FLNB: variants seen among roughly 807,000 people sequenced by gnomAD.
FLNB encodes the protein filamin-B.
Under a neutral mutation model 250.6 loss-of-function variants are expected in FLNB, and 111 were observed. The observed-to-expected ratio is 0.44, with a 90% CI of 0.38 to 0.52. The LOEUF (loss-of-function observed/expected upper bound fraction) is 0.52. FLNB is among the 20% of genes least tolerant of loss of function. The pLI, the probability that FLNB is intolerant of heterozygous loss-of-function variation, is 0.00. For synonymous variants in FLNB, 1,302 were observed against 1,372.1 expected (o/e 0.95, Z 1.13); for missense variants, 2,869 against 3,447.8 (o/e 0.83, Z 4.20).
Position 58,168,533 on chromosome 3 carries a change from G to C in FLNB, c.7292G>C (p.Cys2431Ser). The change falls in exon 44 of 46, where the codon TGC becomes TCC. Residue 2431 changes from cysteine to serine, a missense_variant. Cys to Ser is a moderately radical substitution (Grantham distance 112). Transcript: ENST00000295956. ...IEGPSKVKMD[C>S]QETPEGYKVM... ...GGCCCATCCAAGGTTAAAATGGATT[G>C]CCAGGAAACACCTGAAGGGTACAAA... The C allele has an allele frequency of 1.2e-6, 2 of 1,614,198 alleles. No individual in the cohort carries two copies. The highest frequency in any genetic ancestry group is 1.7e-6 in the Non-Finnish European group (2 of 1,180,008).
In FLNB at chr3:58,159,676, G is replaced by C. The variant is rs2097358500; in HGVS notation, c.7011G>C (p.Glu2337Asp). The change falls in exon 42 of 46, where the codon GAG (glutamate) becomes GAC (aspartate). Residue 2337 changes from glutamate (E) to aspartate (D), a missense_variant. Transcript: ENST00000295956. ...SGAVEECHVS[E>D]LEPDKYAVRF... ...CCGTGGAGGAGTGCCACGTGTCTGA[G>C]CTGGAGCCAGGTGAGCAGGAGGCCT... 1 of 1,613,384 alleles carries C rather than the reference G, an allele frequency of 6.2e-7. No individual in the cohort carries two copies. Among genetic ancestry groups the C allele is most frequent in the South Asian group, 1.1e-5 (1 of 91,066 alleles).
At chr3:58,125,390 C>T (rs576470524) in intron 22 of FLNB, among the ~76,000 whole-genome samples, 191 bp from the exon 23 acceptor site, 18 of 152,334 alleles carry the variant, frequency 1.2e-4, no homozygotes, top group African/African-American at 2.6e-4. Flanking sequence ...ACCTCGGCCT[C>T]CCAAAGTGCT....
intron 1 of FLNB, among the ~76,000 whole-genome samples, chr3:58,010,338 CT>C (rs1378425143): frequency 6.6e-6 from 1 of 152,190 alleles, no homozygotes; most frequent in Non-Finnish European, 1.5e-5. Flanking sequence ...TGAGCCTCCC[CT>C]GGGCCTTAGG....
intron 2 of FLNB, chr3:58,078,496 A>C (rs1447330963): frequency 1.3e-6 from 2 of 1,536,318 alleles, no homozygotes; most frequent in Non-Finnish European, 1.7e-6. Context: ...ATGCAAGAAC[A>C]TAGCACCCGG....
At chr3:58,060,355 T>C (rs868307413) in intron 1 of FLNB, among the ~76,000 whole-genome samples, 38,913 of 138,622 alleles carry the variant, frequency 0.28, 5,576 homozygotes, top group South Asian at 0.46. Flanking sequence ...TGTCTCTCTT[T>C]TTTTTTTTTT....
intron 1 of FLNB, among the ~76,000 whole-genome samples, chr3:58,044,044 T>G (rs1477076536): frequency 2.0e-5 from 3 of 152,210 alleles, no homozygotes; most frequent in Admixed American, 6.5e-5. Context: ...GCCCTGCAGC[T>G]CCTGCTGTTT....
At position 58,033,221 on chromosome 3, in the gene FLNB, C is replaced by T. The variant is rs143786994; in HGVS notation, c.292+24365C>T. 3.3e-3 allele frequency among the ~76,000 whole-genome samples: 497 copies of T among 152,308 alleles called. 1 individual carries two copies. Among genetic ancestry groups the T allele is most frequent in the African/African-American group, 0.011 (468 of 41,556 alleles). ...GAAACCATCACCATAATCAAGACAG[C>T]GAACCTCCCTATCCAGCCCCAGAAG... On this transcript the variant is annotated intron_variant, in intron 1 of 45. Coordinates refer to ENST00000295956, the MANE Select transcript of FLNB (RefSeq NM_001457.4).
intron 1 of FLNB, among the ~76,000 whole-genome samples, chr3:58,034,934 T>A (rs2097135977): frequency 6.6e-6 from 1 of 152,200 alleles, no homozygotes; most frequent in South Asian, 2.1e-4. Context: ...GACCAGCCTA[T>A]GTCACCTGCT....
At chr3:58,149,713 A>C in intron 36 of FLNB, 137 bp from the exon 37 acceptor site, 1 of 1,127,310 alleles carries the variant, frequency 8.9e-7, no homozygotes, top group Non-Finnish European at 1.3e-6. Context: ...GGGCTTTGCA[A>C]ACGAGGCCGC....
At chr3:58,089,184 A>G (rs536978384) in intron 4 of FLNB, among the ~76,000 whole-genome samples, 5 of 152,318 alleles carry the variant, frequency 3.3e-5, no homozygotes, top group East Asian at 3.9e-4. Flanking sequence ...GTTGATGCCA[A>G]CACTGAGGTG....
At chr3:58,045,079 G>C (rs560872873) in intron 1 of FLNB, among the ~76,000 whole-genome samples, 6 of 152,156 alleles carry the variant, frequency 3.9e-5, no homozygotes, top group Non-Finnish European at 8.8e-5. Flanking sequence ...CTGGGTGAAG[G>C]GATGTGCCCC....
chr3:58,081,889 CAA>C, intron 4 of FLNB, 113 bp downstream of exon 4: 6 of 1,139,236 alleles, frequency 5.3e-6, no homozygotes, highest in Non-Finnish European at 8.0e-6. Context: ...GTGTAATCCT[CAA>C]AGAGACCCCA....
At chr3:58,122,704 C>T (rs550909574) in intron 20 of FLNB, among the ~76,000 whole-genome samples, 129 of 152,248 alleles carry the variant, frequency 8.5e-4, no homozygotes, top group African/African-American at 2.7e-3. Context: ...TGCAACAGCC[C>T]AAGCCACAGC....
chr3:58,123,701 T>C lies in FLNB; in HGVS notation c.3724+11T>C, dbSNP rs1319707981. The C allele has an allele frequency of 7.5e-7, 1 of 1,330,774 alleles. No homozygotes were observed. The highest frequency in any genetic ancestry group is 2.4e-5 in the Admixed American group (1 of 42,400). 82.4% of individuals were successfully genotyped at this position (1,330,774 alleles called of 1,614,324 possible). Reference sequence around the variant, plus strand: ...GAATAGAAGGGAAAGGTGGGTTTCATTTAAAAAAAAAAAAAAAAAAAAAAA... The same window carrying C: ...GAATAGAAGGGAAAGGTGGGTTTCACTTAAAAAAAAAAAAAAAAAAAAAAA... On this transcript the variant is annotated intron_variant, in intron 21 of 45. Coordinates refer to ENST00000295956, the MANE Select transcript of FLNB (RefSeq NM_001457.4).
rs754207543 is a variant in FLNB, at chr3:58,124,500, A to G, written c.3893A>G (p.Glu1298Gly). ...GTYQVEYTPF[E>G]KGLHVVEVTY... ...TACCAGGTGGAATACACACCCTTTG[A>G]GAAAGGTGAGCCGCCCTGTCCTCGG... Residue 1298 changes from glutamate (E) to glycine (G), a missense_variant, in exon 22 of 46, where the codon GAG becomes GGG. Glu to Gly is a moderately conservative substitution (Grantham distance 98). Around this residue, in one of 5 missense-constraint regions of FLNB, gnomAD observed 1,348 missense variants for 1,466.7 expected, o/e 0.92. Coordinates refer to ENST00000295956, the MANE Select transcript of FLNB (RefSeq NM_001457.4). 1.9e-6 allele frequency: 3 copies of G among 1,614,148 alleles called. No homozygotes were observed. Among genetic ancestry groups the G allele is most frequent in the Non-Finnish European group, 2.5e-6 (3 of 1,180,016 alleles).
intron 1 of FLNB, among the ~76,000 whole-genome samples, chr3:58,035,864 G>T (rs933808598): frequency 6.6e-6 from 1 of 152,254 alleles, no homozygotes; most frequent in South Asian, 2.1e-4. Flanking sequence ...CAACATTCTC[G>T]GCCTGGGGCG....
intron 8 of FLNB, among the ~76,000 whole-genome samples, chr3:58,099,250 C>T (rs896984373): frequency 6.6e-6 from 1 of 152,152 alleles, no homozygotes; most frequent in Non-Finnish European, 1.5e-5. Flanking sequence ...CAACATGGGC[C>T]CTGCAGCCTC....
intron 10 of FLNB, among the ~76,000 whole-genome samples, chr3:58,104,622 A>C (rs1187294691): frequency 6.6e-6 from 1 of 151,754 alleles, no homozygotes; most frequent in Non-Finnish European, 1.5e-5. Flanking sequence ...TTTGGGCATT[A>C]TTGGGTTCCG....
intron 4 of FLNB, among the ~76,000 whole-genome samples, chr3:58,083,024 C>CT (rs2097211417): frequency 6.6e-6 from 1 of 152,176 alleles, no homozygotes; most frequent in African/African-American, 2.4e-5. Context: ...AGGATATCCT[C>CT]TAGCATAACC....
Sources: gnomAD v4.1 joint callset for allele counts (sites outside exome capture counted in the v4.1 genomes callset) on GRCh38, gnomAD v4.1.1 for gene constraint, gnomAD v4.1.1 regional missense constraint, MANE v1.5 for transcripts, NCBI Gene and HGNC (gene_info 2026-07-23, HGNC 2026-07-21) for gene names.